The following RGS7 variants were observed in gnomAD, a reference collection of about 807,000 sequenced individuals.
The protein encoded by RGS7 is regulator of G-protein signaling 7.
RGS7 carries 27 observed loss-of-function variants against 81.1 expected under a neutral mutation model. That is an observed-to-expected ratio of 0.33 (90% confidence interval 0.25 to 0.46). The LOEUF is 0.46. Ranked by LOEUF, RGS7 falls within the 20% of genes least tolerant of loss-of-function variation. The pLI is 1.00. For missense variants in RGS7, 396 were observed against 607.4 expected (o/e 0.65, Z 3.66); for synonymous variants, 208 against 207.7 (o/e 1.00, Z -0.01).
intron 2 of RGS7, among the ~76,000 whole-genome samples, chr1:241,286,228 G>A (rs538273360): frequency 6.6e-6 from 1 of 152,230 alleles, no homozygotes; most frequent in African/African-American, 2.4e-5. Flanking sequence ...GCATTGAGAT[G>A]GAAAGAGCCT....
intron 6 of RGS7, chr1:240,919,707 G>T: frequency 3.3e-6 from 2 of 603,512 alleles, no homozygotes; most frequent in Non-Finnish European, 3.0e-6. Context: ...CTCTTCATTG[G>T]AGGGCTGAGC....
At chr1:241,004,014 C>T (rs1035471047) in intron 3 of RGS7, among the ~76,000 whole-genome samples, 16 of 152,152 alleles carry the variant, frequency 1.1e-4, no homozygotes, top group Non-Finnish European at 1.5e-5. Flanking sequence ...CCGTGCCCGG[C>T]CACTCACCTG....
intron 4 of RGS7, among the ~76,000 whole-genome samples, chr1:240,975,514 G>A (rs1683940424): frequency 6.6e-6 from 1 of 152,124 alleles, no homozygotes; most frequent in Admixed American, 6.5e-5. Flanking sequence ...TAGATTGAGG[G>A]TCTTAAAGTA....
chr1:241,060,831 G>A (rs75312492), intron 3 of RGS7, among the ~76,000 whole-genome samples: 8,737 of 152,144 alleles, frequency 0.057, 326 homozygotes, highest in African/African-American at 0.1. Context: ...AAAGCTTAGC[G>A]TTACAAGAAT....
chr1:240,784,431 G>A (rs1684688241), intron 18 of RGS7, among the ~76,000 whole-genome samples: 1 of 151,750 alleles, frequency 6.6e-6, no homozygotes, highest in Admixed American at 6.6e-5. Flanking sequence ...ACGAGGTCAG[G>A]AGATTGAGAC....
intron 18 of RGS7, among the ~76,000 whole-genome samples, chr1:240,793,173 T>A (rs911279924): frequency 6.6e-6 from 1 of 152,150 alleles, no homozygotes; most frequent in Non-Finnish European, 1.5e-5. Flanking sequence ...CCCCCAGGGC[T>A]GTATCGGACA....
intron 15 of RGS7, among the ~76,000 whole-genome samples, chr1:240,803,241 G>A (rs148200248): frequency 4.7e-4 from 71 of 152,130 alleles, no homozygotes; most frequent in Non-Finnish European, 9.1e-4. Flanking sequence ...TACAAAAATG[G>A]AATTTGATTA....
At chr1:240,931,861 C>T (rs1416659837) in intron 5 of RGS7, among the ~76,000 whole-genome samples, 1 of 152,138 alleles carries the variant, frequency 6.6e-6, no homozygotes, top group African/African-American at 2.4e-5. Context: ...TTTCCTAGCC[C>T]TGCTAGCTGA....
At chr1:241,148,095 A>G (rs1156633861) in intron 2 of RGS7, among the ~76,000 whole-genome samples, 1 of 121,344 alleles carries the variant, frequency 8.2e-6, no homozygotes, top group Non-Finnish European at 1.6e-5. Flanking sequence ...CCTGTTGCCC[A>G]GGCTGGAGTA....
intron 6 of RGS7, among the ~76,000 whole-genome samples, chr1:240,917,027 T>C (rs1672726852): frequency 6.6e-6 from 1 of 152,090 alleles, no homozygotes; most frequent in Non-Finnish European, 1.5e-5. Context: ...AGGGAAACCT[T>C]ACCTGGAGAG....
At chr1:240,940,073 C>G (rs28610331) in intron 4 of RGS7, among the ~76,000 whole-genome samples, 16,171 of 152,028 alleles carry the variant, frequency 0.11, 1,020 homozygotes, top group African/African-American at 0.17. Context: ...GAACAACACT[C>G]TATCTCAAAA....
intron 2 of RGS7, among the ~76,000 whole-genome samples, chr1:241,242,923 T>C (rs1316507706): frequency 2.6e-5 from 4 of 152,258 alleles, no homozygotes; most frequent in African/African-American, 9.6e-5. Context: ...TCTCCCACTC[T>C]GTGGGTTGTC....
At chr1:241,170,715 C>T (rs1056404829) in intron 2 of RGS7, among the ~76,000 whole-genome samples, 1 of 152,120 alleles carries the variant, frequency 6.6e-6, no homozygotes, top group Non-Finnish European at 1.5e-5. Context: ...CGGAAAGTGA[C>T]TTGCTGGGCA....
chr1:241,101,234 G>A (rs1374106977), intron 2 of RGS7, among the ~76,000 whole-genome samples: 3 of 152,170 alleles, frequency 2.0e-5, no homozygotes, highest in Non-Finnish European at 2.9e-5. Flanking sequence ...GGTGGCTCAC[G>A]CCTGTAATCC....
intron 2 of RGS7, among the ~76,000 whole-genome samples, chr1:241,321,141 G>C (rs536425935): frequency 2.0e-5 from 3 of 152,190 alleles, no homozygotes; most frequent in Admixed American, 6.5e-5. Context: ...CCCAAATTCA[G>C]TTTGTAGCTG....
chr1:240,841,895 T>C (rs1658074860), intron 9 of RGS7, among the ~76,000 whole-genome samples: 1 of 152,134 alleles, frequency 6.6e-6, no homozygotes, highest in African/African-American at 2.4e-5. Flanking sequence ...TTAATAATCA[T>C]ACCTAAAAAA....
At position 241,211,916 on chromosome 1, in the gene RGS7, G is replaced by A. The variant is rs943199749; in HGVS notation, c.79-113154C>T. ...GTTAGGTGAAAAGCATTCTGTGTAC[G>A]GTGACAAGTTATACAAGTATAAATA... On this transcript the variant is annotated intron_variant, in intron 2 of 18. Transcript: ENST00000440928. Among the ~76,000 whole-genome samples, 9 of 152,066 alleles carry A rather than the reference G, an allele frequency of 5.9e-5. No homozygotes were observed. The South Asian group carries it at 1.2e-3, about 21-fold the overall frequency.
chr1:241,116,308 G>A (rs531801962), intron 2 of RGS7, among the ~76,000 whole-genome samples: 6 of 152,210 alleles, frequency 3.9e-5, no homozygotes, highest in African/African-American at 1.4e-4. Flanking sequence ...TCACCCACCT[G>A]TAAAAATCTT....
intron 2 of RGS7, among the ~76,000 whole-genome samples, chr1:241,293,765 G>T (rs900842322): frequency 3.9e-5 from 6 of 152,110 alleles, no homozygotes; most frequent in African/African-American, 1.4e-4. Flanking sequence ...CAGTTAGAAT[G>T]GCCATCATTA....
Sources: allele counts gnomAD v4.1 joint callset (sites outside exome capture counted in the v4.1 genomes callset), GRCh38; gene constraint gnomAD v4.1.1; transcripts MANE v1.5; gene names NCBI Gene and HGNC (gene_info 2026-07-23, HGNC 2026-07-21).